WWOX: variants seen among roughly 807,000 people sequenced by gnomAD.
WWOX encodes WW domain-containing oxidoreductase.
Under a neutral mutation model 46.2 loss-of-function variants are expected in WWOX, and 69 were observed. That is an observed-to-expected ratio of 1.49 (90% CI 1.23 to 1.82). The LOEUF is 1.82. Among genes scored for constraint, WWOX ranks in the 40% most tolerant of loss-of-function variants. WWOX has a pLI of 0.00. For missense variants in WWOX, 919 were observed against 542.6 expected (o/e 1.69, Z -6.89); for synonymous variants, 359 against 202.6 (o/e 1.77, Z -6.56).
chr16:78,553,532 C>T (rs564919200), intron 8 of WWOX, among the ~76,000 whole-genome samples: 207 of 152,114 alleles, frequency 1.4e-3, no homozygotes, highest in African/African-American at 4.7e-3. Context: ...CTGTGGTTAC[C>T]AGTGAGCTGT....
At chr16:79,183,369 C>A (rs893463442) in intron 8 of WWOX, among the ~76,000 whole-genome samples, 1 of 152,244 alleles carries the variant, frequency 6.6e-6, no homozygotes, top group Non-Finnish European at 1.5e-5. Flanking sequence ...AAAGAAGATG[C>A]ATTTTGTCAG....
chr16:78,483,120 C>A (rs2084536909), intron 8 of WWOX, among the ~76,000 whole-genome samples: 1 of 152,148 alleles, frequency 6.6e-6, no homozygotes, highest in Non-Finnish European at 1.5e-5. Flanking sequence ...TTGGAGATGG[C>A]TCTCGATATG....
chr16:78,797,403 A>T (rs1481824494), intron 8 of WWOX, among the ~76,000 whole-genome samples: 1 of 150,658 alleles, frequency 6.6e-6, no homozygotes, highest in Non-Finnish European at 1.5e-5. Flanking sequence ...ATAAAAAGGC[A>T]GCCCCGACAG....
chr16:78,584,974 G>T (rs1213231014), intron 8 of WWOX, among the ~76,000 whole-genome samples: 8 of 152,168 alleles, frequency 5.3e-5, no homozygotes, highest in Admixed American at 5.2e-4. Context: ...GGTGCCTGAG[G>T]GTTGGGTGCC....
chr16:78,422,849 ACACACAC>A, intron 6 of WWOX, among the ~76,000 whole-genome samples: 1 of 75,188 alleles, frequency 1.3e-5, no homozygotes, highest in Admixed American at 1.2e-4. Context: ...ACATATACAC[ACACACAC>A]ACACACACAC....
chr16:78,622,014 T>C (rs2046201672), intron 8 of WWOX, among the ~76,000 whole-genome samples: 1 of 152,132 alleles, frequency 6.6e-6, no homozygotes, highest in African/African-American at 2.4e-5. Context: ...CTTGGGCTAG[T>C]TGAAGGAAAG....
At chr16:78,838,357 C>T (rs1000165452) in intron 8 of WWOX, among the ~76,000 whole-genome samples, 18 of 152,234 alleles carry the variant, frequency 1.2e-4, no homozygotes, top group Admixed American at 5.2e-4. Context: ...TTTAGGCGCT[C>T]CTGCATGTTG....
chr16:78,663,392 A>G (rs147429723), intron 8 of WWOX, among the ~76,000 whole-genome samples: 258 of 152,268 alleles, frequency 1.7e-3, no homozygotes, highest in African/African-American at 5.9e-3. Flanking sequence ...ATTCTATTCT[A>G]TCAATATATT....
chr16:78,476,766 C>T (rs1330085931), intron 8 of WWOX, among the ~76,000 whole-genome samples: 1 of 152,108 alleles, frequency 6.6e-6, no homozygotes, highest in African/African-American at 2.4e-5. Context: ...AAGTGAAATG[C>T]ATATCTCTAA....
intron 8 of WWOX, among the ~76,000 whole-genome samples, chr16:78,923,827 T>C (rs2045436764): frequency 8.0e-6 from 1 of 124,648 alleles, no homozygotes; most frequent in African/African-American, 3.2e-5. Flanking sequence ...TCAGACGGAG[T>C]CTTGCTCTGT....
At chr16:78,919,468 C>T (rs2045326510) in intron 8 of WWOX, among the ~76,000 whole-genome samples, 1 of 151,760 alleles carries the variant, frequency 6.6e-6, no homozygotes, top group South Asian at 2.1e-4. Flanking sequence ...CTTCTAACAG[C>T]AATCAGTCCC....
intron 8 of WWOX, among the ~76,000 whole-genome samples, chr16:78,631,988 TAAAAC>T (rs1183073682): frequency 2.0e-5 from 3 of 151,610 alleles, no homozygotes; most frequent in African/African-American, 7.3e-5. Flanking sequence ...CTCGGAAAAA[TAAAAC>T]AAAGTTGACA....
intron 8 of WWOX, among the ~76,000 whole-genome samples, chr16:78,567,769 C>T (rs963175604): frequency 6.6e-6 from 1 of 151,940 alleles, no homozygotes; most frequent in Non-Finnish European, 1.5e-5. Flanking sequence ...CAAAGTTTTT[C>T]TCCCGCAACT....
At chr16:78,212,182 G>C (rs956013010) in intron 5 of WWOX, among the ~76,000 whole-genome samples, 2 of 152,202 alleles carry the variant, frequency 1.3e-5, no homozygotes, top group African/African-American at 4.8e-5. Flanking sequence ...GAGCATTTCA[G>C]CTCTCTGCTT....
chr16:78,214,061 A>C (rs2151790753), intron 5 of WWOX, among the ~76,000 whole-genome samples: 1 of 152,252 alleles, frequency 6.6e-6, no homozygotes. Flanking sequence ...CTGGCCCATC[A>C]GACTTACCTT....
intron 5 of WWOX, among the ~76,000 whole-genome samples, chr16:78,285,538 C>A (rs2079752794): frequency 2.0e-5 from 3 of 152,184 alleles, no homozygotes; most frequent in Admixed American, 2.0e-4. Flanking sequence ...GGCTCAGCAC[C>A]AGAACGAGGT....
At chr16:78,882,270 C>G (rs76268968) in intron 8 of WWOX, among the ~76,000 whole-genome samples, 4,351 of 152,192 alleles carry the variant, frequency 0.029, 113 homozygotes, top group African/African-American at 0.061. Context: ...ACAATTATAC[C>G]TAGGGAGCCA....
intron 8 of WWOX, among the ~76,000 whole-genome samples, chr16:78,656,998 G>A (rs966150225): frequency 1.3e-5 from 2 of 152,168 alleles, no homozygotes; most frequent in African/African-American, 4.8e-5. Context: ...CATGGTGGAT[G>A]AGCGTTTTGC....
intron 8 of WWOX, among the ~76,000 whole-genome samples, chr16:78,557,714 A>C (rs927484224): frequency 1.7e-5 from 1 of 58,080 alleles, no homozygotes; most frequent in African/African-American, 1.9e-4. Flanking sequence ...TTTTTTTTTG[A>C]GACAGGAGTC....
Sources: gnomAD v4.1 joint callset for allele counts (sites outside exome capture counted in the v4.1 genomes callset) on GRCh38, gnomAD v4.1.1 for gene constraint, MANE v1.5 for transcripts, NCBI Gene and HGNC (gene_info 2026-07-23, HGNC 2026-07-21) for gene names.